Variants in WWOX observed in about 807,000 individuals in gnomAD.
WWOX encodes WW domain containing oxidoreductase, also known as WW domain-containing oxidoreductase.
Under a neutral mutation model 46.2 loss-of-function variants are expected in WWOX, and 69 were observed. That is an observed-to-expected ratio of 1.49 (90% CI 1.23 to 1.82). The LOEUF (loss-of-function observed/expected upper bound fraction) is 1.82, where lower values mean the gene tolerates loss of function less well. WWOX is among the 40% of genes most tolerant of loss of function. WWOX has a pLI of 0.00. For synonymous variants in WWOX, 359 were observed against 202.6 expected (o/e 1.77, Z -6.56); for missense variants, 919 against 542.6 (o/e 1.69, Z -6.89).
At chr16:78,229,108 A>G (rs914459999) in intron 5 of WWOX, among the ~76,000 whole-genome samples, 1 of 152,200 alleles carries the variant, frequency 6.6e-6, no homozygotes, top group Admixed American at 6.5e-5. Context: ...TTCTTCCAGC[A>G]TGTGATCATA....
intron 8 of WWOX, among the ~76,000 whole-genome samples, chr16:79,194,652 T>G (rs1051556791): frequency 2.7e-4 from 41 of 152,182 alleles, no homozygotes; most frequent in African/African-American, 8.0e-4. Context: ...GTGAACTGGC[T>G]CATTTCTCAC....
chr16:78,999,922 T>C (rs2047061428), intron 8 of WWOX, among the ~76,000 whole-genome samples: 1 of 152,178 alleles, frequency 6.6e-6, no homozygotes, highest in South Asian at 2.1e-4. Flanking sequence ...TTCTACGTCA[T>C]GAGAAAGCAT....
In WWOX at chr16:79,002,043, T is replaced by C. The variant is rs113948237; in HGVS notation, c.1057-209565T>C. ...ACCACAAATCTGGGCAACTGGAATT[T>C]ATTGTAATGGTAAATTACACTAATA... On this transcript the variant is annotated intron_variant, in intron 8 of 8. Coordinates refer to ENST00000566780, the MANE Select transcript of WWOX (RefSeq NM_016373.4). Among the ~76,000 whole-genome samples, 1,106 of 152,200 alleles carry C rather than the reference T, an allele frequency of 7.3e-3. 9 individuals are homozygous for C. The highest frequency in any genetic ancestry group is 0.025 in the African/African-American group (1,053 of 41,502).
At chr16:78,457,907 C>G (rs1341049132) in intron 8 of WWOX, among the ~76,000 whole-genome samples, 3 of 70,722 alleles carry the variant, frequency 4.2e-5, no homozygotes, top group Non-Finnish European at 7.1e-5. Context: ...GAGACTCTGA[C>G]TCAAAAAAAA....
At chr16:78,525,870 G>C (rs1477607511) in intron 8 of WWOX, 1 of 151,460 alleles carries the variant, frequency 6.6e-6, no homozygotes. Context: ...AAAGGGCAAG[G>C]GGAGGTGTGA....
intron 8 of WWOX, among the ~76,000 whole-genome samples, chr16:78,522,143 TA>T (rs76799048): frequency 0.025 from 3,356 of 136,672 alleles, 44 homozygotes; most frequent in Middle Eastern, 0.061. Flanking sequence ...TGGAAGGCTT[TA>T]AAAAAAAAAA....
chr16:78,727,567 A>C (rs1172332681), intron 8 of WWOX, among the ~76,000 whole-genome samples: 1 of 152,212 alleles, frequency 6.6e-6, no homozygotes, highest in East Asian at 1.9e-4. Flanking sequence ...CCTGAGTTCC[A>C]GTCCGTGGGG....
intron 8 of WWOX, among the ~76,000 whole-genome samples, chr16:78,583,217 C>T (rs965370681): frequency 1.4e-4 from 22 of 152,136 alleles, no homozygotes; most frequent in African/African-American, 5.3e-4. Context: ...CTGCTCTATC[C>T]CATGGTTCAA....
At chr16:78,354,714 G>A (rs202236406) in intron 5 of WWOX, among the ~76,000 whole-genome samples, 3 of 118,630 alleles carry the variant, frequency 2.5e-5, no homozygotes, top group Non-Finnish European at 5.6e-5. Context: ...AAACTGTTTT[G>A]TTTGTCATTA....
intron 8 of WWOX, among the ~76,000 whole-genome samples, chr16:79,130,432 A>G (rs2049852676): frequency 6.6e-6 from 1 of 152,210 alleles, no homozygotes; most frequent in Non-Finnish European, 1.5e-5. Context: ...GATCATGAGG[A>G]GGGTAGGGTC....
At chr16:78,837,808 T>C (rs2052030761) in intron 8 of WWOX, among the ~76,000 whole-genome samples, 1 of 152,228 alleles carries the variant, frequency 6.6e-6, no homozygotes, top group Non-Finnish European at 1.5e-5. Flanking sequence ...TTAGGAGTCT[T>C]ATATTTATTA....
chr16:79,034,888 A>G (rs947415195), intron 8 of WWOX, among the ~76,000 whole-genome samples: 23 of 152,312 alleles, frequency 1.5e-4, no homozygotes, highest in South Asian at 6.2e-4. Context: ...AAAATAAAAG[A>G]TAATGGAATT....
intron 4 of WWOX, among the ~76,000 whole-genome samples, chr16:78,156,954 C>G (rs2034627507): frequency 6.6e-6 from 1 of 152,166 alleles, no homozygotes; most frequent in South Asian, 2.1e-4. Context: ...GTCAATCAAT[C>G]AAGTTCTGGA....
At chr16:78,181,749 A>G (rs1003988653) in intron 5 of WWOX, among the ~76,000 whole-genome samples, 2 of 152,140 alleles carry the variant, frequency 1.3e-5, no homozygotes, top group Non-Finnish European at 2.9e-5. Flanking sequence ...AGCTTTTTCT[A>G]TTGGAAGCAT....
intron 8 of WWOX, among the ~76,000 whole-genome samples, chr16:78,868,757 C>T (rs1413426438): frequency 6.6e-6 from 1 of 152,190 alleles, no homozygotes; most frequent in Admixed American, 6.5e-5. Flanking sequence ...CTATATATGT[C>T]TAAAATTCAC....
intron 6 of WWOX, among the ~76,000 whole-genome samples, chr16:78,411,874 G>A (rs1007768526): frequency 3.3e-5 from 5 of 152,202 alleles, no homozygotes; most frequent in African/African-American, 4.8e-5. Flanking sequence ...TCGATTAGGG[G>A]ACTGTTCCCA....
Position 78,370,359 on chromosome 16 carries a change from T to C in WWOX, c.517-16501T>C, listed in dbSNP as rs1191312068. Among the ~76,000 whole-genome samples, 3 of 152,120 alleles carry C rather than the reference T, an allele frequency of 2.0e-5. No homozygotes were observed. The East Asian group carries it at 5.8e-4, about 29-fold the overall frequency. ...TGTTCTTAGAGCAGAGTTCAGTACA[T>C]AGTAAGTACTGTGTAAGAATTGGCC... On this transcript the variant is annotated intron_variant, in intron 5 of 8. Transcript: ENST00000566780.
At chr16:78,101,970 C>T (rs1010828146) in intron 1 of WWOX, among the ~76,000 whole-genome samples, 4 of 152,026 alleles carry the variant, frequency 2.6e-5, no homozygotes, top group African/African-American at 9.7e-5. Context: ...TTGGGGGGGT[C>T]GTGAGGGAAT....
intron 8 of WWOX, among the ~76,000 whole-genome samples, chr16:78,882,404 A>G (rs2044361532): frequency 6.6e-6 from 1 of 151,850 alleles, no homozygotes; most frequent in Admixed American, 6.6e-5. Context: ...CTATTTTATT[A>G]CCTGTGCCTC....
Sources: allele counts gnomAD v4.1 joint callset (sites outside exome capture counted in the v4.1 genomes callset), GRCh38; gene constraint gnomAD v4.1.1; transcripts MANE v1.5; gene names NCBI Gene and HGNC (gene_info 2026-07-23, HGNC 2026-07-21).